SDR42E2: variants seen among roughly 807,000 people sequenced by gnomAD.
The protein encoded by SDR42E2 is short chain dehydrogenase/reductase family 42E, member 2.
In SDR42E2, 20 loss-of-function variants were observed where a neutral mutation model predicts 10.5. That is an observed-to-expected ratio of 1.90 (90% CI 1.34 to 2.77). The LOEUF (loss-of-function observed/expected upper bound fraction) is 2.77. Among genes scored for constraint, SDR42E2 ranks in the 30% most tolerant of loss-of-function variants. SDR42E2 has a pLI of 0.00. For synonymous variants in SDR42E2, 72 were observed against 39.2 expected, an observed-to-expected ratio of 1.84 and a Z score of -3.12; for missense variants, 162 against 104.2, an observed-to-expected ratio of 1.55 and a Z score of -2.42.
intron 10 of SDR42E2, among the ~76,000 whole-genome samples, chr16:22,183,735 C>T (rs1204528089): frequency 6.6e-6 from 1 of 152,122 alleles, no homozygotes; most frequent in East Asian, 1.9e-4. Flanking sequence ...TACATAAATG[C>T]CTTAGAGTGT....
intron 10 of SDR42E2, 121 bp from the exon 11 acceptor site, chr16:22,184,060 T>TG: frequency 2.5e-6 from 1 of 394,710 alleles, no homozygotes; most frequent in Non-Finnish European, 4.5e-6. Context: ...GTCTGCCCCC[T>TG]GGGGTGGGTT....
Position 22,191,167 on chromosome 16 carries a change from TAGTCCCTGCCC to T in SDR42E2, c.*781_*791del, listed in dbSNP as rs1456315899. 1 of 153,904 alleles carries T rather than the reference TAGTCCCTGCCC, an allele frequency of 6.5e-6. No individual in the cohort carries two copies. Among genetic ancestry groups the T allele is most frequent in the Non-Finnish European group, 1.5e-5 (1 of 68,790 alleles). 9.5% of individuals were successfully genotyped at this position (153,904 alleles called of 1,614,324 possible). A position where few individuals can be genotyped will look rare whatever the true frequency, so the allele number is the denominator to read the frequency against. On this transcript the variant is annotated 3_prime_UTR_variant, in exon 13 of 13. Transcript: ENST00000602312. ...TTCCTCCGCCTTCTGGACCTTCTCCTAGTCCCTGCCCAGTCCCGGCCCACCCCCAGATTCTC... is the reference window on the plus strand; with the variant it reads ...TTCCTCCGCCTTCTGGACCTTCTCCTAGTCCCGGCCCACCCCCAGATTCTC...
intron 7 of SDR42E2, 34 bp downstream of exon 7, chr16:22,172,365 C>T (rs1294076227): frequency 2.8e-6 from 2 of 703,560 alleles, no homozygotes; most frequent in East Asian, 2.7e-5. Context: ...GTACCAAATG[C>T]ACCTGCCCAC....
chr16:22,183,922 C>T (rs909775415), intron 10 of SDR42E2, among the ~76,000 whole-genome samples: 5 of 141,858 alleles, frequency 3.5e-5, no homozygotes, highest in African/African-American at 1.4e-4. Flanking sequence ...CATCAAGACC[C>T]CTGATTCTCT....
intron 6 of SDR42E2, 25 bp from the exon 7 acceptor site, chr16:22,172,231 T>C (rs528770215): frequency 4.3e-6 from 3 of 702,908 alleles, no homozygotes; most frequent in East Asian, 2.7e-5. Flanking sequence ...TCTCTGGTGG[T>C]TCTGTTTTTC....
intron 9 of SDR42E2, among the ~76,000 whole-genome samples, chr16:22,181,863 T>C (rs971644762): frequency 9.2e-5 from 14 of 152,182 alleles, no homozygotes; most frequent in African/African-American, 3.4e-4. Context: ...TCTATGGCCA[T>C]GTGAGGTTGG....
chr16:22,169,548 T>C (rs1406401220), intron 5 of SDR42E2, 46 bp downstream of exon 5: 2 of 702,922 alleles, frequency 2.8e-6, no homozygotes, highest in Non-Finnish European at 5.2e-6. Flanking sequence ...TCTCCCCCTC[T>C]CTCCCTTCTC....
intron 7 of SDR42E2, among the ~76,000 whole-genome samples, chr16:22,173,948 C>T (rs927866160): frequency 3.7e-4 from 46 of 124,724 alleles, no homozygotes; most frequent in African/African-American, 1.3e-3. Flanking sequence ...AAATTCAGAA[C>T]GTAAAAAGAA....
intron 4 of SDR42E2, among the ~76,000 whole-genome samples, 180 bp downstream of exon 4, chr16:22,167,179 T>G (rs1233784399): frequency 1.0e-4 from 11 of 108,358 alleles, no homozygotes; most frequent in East Asian, 2.4e-4. Context: ...TTTTTTTTTT[T>G]TTTTTTTTTT....
intron 7 of SDR42E2, among the ~76,000 whole-genome samples, chr16:22,173,870 A>G (rs1007629242): frequency 3.6e-5 from 5 of 138,626 alleles, no homozygotes; most frequent in African/African-American, 1.3e-4. Context: ...AAATATATAT[A>G]TATGTATATG....
chr16:22,184,329 C>A (rs778395368), intron 11 of SDR42E2, 85 bp downstream of exon 11: 1 of 390,486 alleles, frequency 2.6e-6, no homozygotes, highest in African/African-American at 2.1e-5. Context: ...GGGCCAGGCA[C>A]GGTGGCTCAC....
At chr16:22,165,496 G>A (rs1250120549) in intron 1 of SDR42E2, 51 bp from the exon 2 acceptor site, 1 of 400,366 alleles carries the variant, frequency 2.5e-6, no homozygotes, top group Admixed American at 4.4e-5. Context: ...AATAATTTAT[G>A]TGACTTGAAA....
At chr16:22,162,640 G>A (rs941958406) in intron 1 of SDR42E2, among the ~76,000 whole-genome samples, 76 bp downstream of exon 1, 13 of 152,184 alleles carry the variant, frequency 8.5e-5, no homozygotes, top group African/African-American at 3.1e-4. Flanking sequence ...AGCCAAGAGG[G>A]GAGGGGACCC....
intron 4 of SDR42E2, among the ~76,000 whole-genome samples, chr16:22,169,132 T>A (rs1287563142): frequency 6.6e-6 from 1 of 152,148 alleles, no homozygotes; most frequent in South Asian, 2.1e-4. Context: ...TCTGAGCCCA[T>A]CTTCTGTGCC....
chr16:22,169,681 C>T (rs1165118546), intron 5 of SDR42E2, among the ~76,000 whole-genome samples, 179 bp downstream of exon 5: 1 of 152,196 alleles, frequency 6.6e-6, no homozygotes, highest in Non-Finnish European at 1.5e-5. Context: ...CTTAGCATGT[C>T]TGGGAACATG....
chr16:22,175,288 C>T (rs1247189498), intron 7 of SDR42E2, among the ~76,000 whole-genome samples: 1 of 151,950 alleles, frequency 6.6e-6, no homozygotes, highest in Non-Finnish European at 1.5e-5. Flanking sequence ...GGCAAAACTC[C>T]ATCTCTACAA....
chr16:22,171,145 A>G (rs558919489), intron 6 of SDR42E2, among the ~76,000 whole-genome samples, 194 bp downstream of exon 6: 1 of 152,216 alleles, frequency 6.6e-6, no homozygotes, highest in Non-Finnish European at 1.5e-5. Context: ...GAAATCAGAC[A>G]GGTCTGGCCT....
intron 5 of SDR42E2, among the ~76,000 whole-genome samples, chr16:22,169,803 G>T (rs2046579690): frequency 6.6e-6 from 1 of 151,990 alleles, no homozygotes; most frequent in South Asian, 2.1e-4. Flanking sequence ...GACCAACAGG[G>T]GTGGATCACC....
At chr16:22,180,562 G>C (rs1157735877) in intron 8 of SDR42E2, among the ~76,000 whole-genome samples, 1 of 152,012 alleles carries the variant, frequency 6.6e-6, no homozygotes, top group African/African-American at 2.4e-5. Context: ...AAGTATCCAG[G>C]TGTGGTGGTA....
Sources: gnomAD v4.1 joint callset for allele counts (sites outside exome capture counted in the v4.1 genomes callset) on GRCh38, gnomAD v4.1.1 for gene constraint, MANE v1.5 for transcripts, NCBI Gene and HGNC (gene_info 2026-07-23, HGNC 2026-07-21) for gene names.